The following PHAX variants were observed in gnomAD, a reference collection of about 807,000 sequenced individuals.
PHAX encodes phosphorylated adapter RNA export protein.
In PHAX, 31 loss-of-function variants were observed where a neutral mutation model predicts 41.6. That is an observed-to-expected ratio of 0.75 (90% confidence interval 0.56 to 1.01). PHAX has a LOEUF of 1.01. PHAX is among the 50% of genes least tolerant of loss of function. PHAX has a pLI of 0.00. For synonymous variants in PHAX, 175 were observed against 164.9 expected (o/e 1.06, Z -0.47); for missense variants, 453 against 472.9 (o/e 0.96, Z 0.39).
At chr5:126,617,668 G>A (rs549649032) in intron 4 of PHAX, among the ~76,000 whole-genome samples, 40 of 152,070 alleles carry the variant, frequency 2.6e-4, no homozygotes, top group African/African-American at 6.3e-4. Context: ...TAGTAGAGAC[G>A]GGGTTTCACC....
chr5:126,612,356 C>T (rs2112833496), intron 3 of PHAX, among the ~76,000 whole-genome samples: 1 of 152,118 alleles, frequency 6.6e-6, no homozygotes, highest in Non-Finnish European at 1.5e-5. Context: ...AAGGAATTTT[C>T]CTTTTACTTT....
At chr5:126,622,229 G>T (rs1344466352) in intron 4 of PHAX, among the ~76,000 whole-genome samples, 1 of 152,062 alleles carries the variant, frequency 6.6e-6, no homozygotes, top group Non-Finnish European at 1.5e-5. Flanking sequence ...TGCCTCCCGG[G>T]TTCAGGTGAT....
At chr5:126,613,327 C>G (rs1752134831) in intron 3 of PHAX, among the ~76,000 whole-genome samples, 2 of 152,026 alleles carry the variant, frequency 1.3e-5, no homozygotes, top group East Asian at 3.9e-4. Context: ...CCATCCTGGG[C>G]AACAAGAACA....
chr5:126,614,407 C>T (rs1752152996), intron 3 of PHAX, among the ~76,000 whole-genome samples: 2 of 152,034 alleles, frequency 1.3e-5, no homozygotes, highest in Admixed American at 6.6e-5. Context: ...TCACCGCACC[C>T]GGCCACAAGT....
rs2112836047 is a variant in PHAX at position 126,617,128 on chromosome 5, A to G, written c.832-122A>G. 3 of 496,834 alleles carry G rather than the reference A, an allele frequency of 6.0e-6. No homozygotes were observed. The East Asian group carries it at 9.9e-5, about 16-fold the overall frequency. The allele number at this position is 496,834 out of a possible 1,614,324, so 30.8% of individuals were successfully genotyped here. ...TGTTACCTATTTTGTAAGAGTCAGA[A>G]TCAGGACTGGACTTCAGATCTGGTA... On this transcript the variant is annotated intron_variant, in intron 3 of 4. Transcript: ENST00000297540.
chr5:126,607,313 TC>T (rs1752004990), intron 2 of PHAX, among the ~76,000 whole-genome samples: 1 of 152,024 alleles, frequency 6.6e-6, no homozygotes, highest in Non-Finnish European at 1.5e-5. Flanking sequence ...ATCCTTGTGT[TC>T]CTAGTCTATT....
At chr5:126,606,403 G>C (rs905106748) in intron 2 of PHAX, among the ~76,000 whole-genome samples, 17 of 152,016 alleles carry the variant, frequency 1.1e-4, no homozygotes, top group African/African-American at 4.1e-4. Context: ...CGCCATGTTG[G>C]CCAGGCTGGT....
intron 3 of PHAX, among the ~76,000 whole-genome samples, chr5:126,614,852 G>C (rs1387674041): frequency 1.3e-5 from 2 of 151,970 alleles, no homozygotes; most frequent in African/African-American, 2.4e-5. Flanking sequence ...TGCCTCCCGG[G>C]TTCAAGCGAT....
At chr5:126,622,244 C>G (rs955752420) in intron 4 of PHAX, among the ~76,000 whole-genome samples, 1 of 152,088 alleles carries the variant, frequency 6.6e-6, no homozygotes, top group East Asian at 1.9e-4. Flanking sequence ...GGTGATTCCC[C>G]TGCCTCAGCC....
chr5:126,617,318 C>T lies in PHAX; in HGVS notation c.900C>T (p.Ser300=), dbSNP rs1012633282. Residue 300 remains serine (S), a synonymous_variant, in exon 4 of 5, where the codon AGC becomes AGT. Transcript: ENST00000297540. The stretch of plus-strand genomic sequence containing the variant: ...TCTTGAAAAACACTCCTAGTATCAG[C>T]GAGGAACAAATTAAGGTAATGATAA... ...LNLLKNTPSI[S]EEQIKDIFYI... 7 of 1,603,972 alleles carry T rather than the reference C, an allele frequency of 4.4e-6. No individual in the cohort carries two copies. Among genetic ancestry groups the T allele is most frequent in the African/African-American group, 4.0e-5 (3 of 74,632 alleles).
intron 3 of PHAX, among the ~76,000 whole-genome samples, chr5:126,610,148 T>C (rs886406522): frequency 1.3e-5 from 2 of 152,176 alleles, no homozygotes; most frequent in African/African-American, 4.8e-5. Flanking sequence ...TTGGGGGAAG[T>C]CTAAAAAGTT....
Position 126,624,631 on chromosome 5 carries a change from G to C in PHAX, c.972G>C (p.Lys324Asn), listed in dbSNP as rs202042936. ...KEYENKKAARKRRTQVLGKKM... is the reference protein window; with the variant it reads ...KEYENKKAARNRRTQVLGKKM... ...ATGAAAATAAAAAAGCTGCTAGGAA[G>C]AGGAGAACACAAGTGTTGGGGAAAA... The change falls in exon 5 of 5, where the codon AAG becomes AAC. Residue 324 changes from lysine to asparagine, a missense_variant. Lys to Asn is a moderately conservative substitution (Grantham distance 94). Transcript: ENST00000297540. 17 of 1,612,872 alleles carry C rather than the reference G, an allele frequency of 1.1e-5. No homozygotes were observed. Among genetic ancestry groups the C allele is most frequent in the African/African-American group, 4.0e-5 (3 of 74,896 alleles).
chr5:126,624,544 C>G, intron 4 of PHAX, 31 bp from the exon 5 acceptor site: 1 of 1,516,458 alleles, frequency 6.6e-7, no homozygotes, highest in Non-Finnish European at 8.9e-7. Flanking sequence ...CGTGGTAGTT[C>G]TTGTTTACTA....
Position 126,604,184 on chromosome 5 carries a change from G to A in PHAX, c.710+1G>A, listed in dbSNP as rs1751953016. The A allele has an allele frequency of 6.6e-7, 1 of 1,521,136 alleles. No homozygotes were observed. The highest frequency in any genetic ancestry group is 8.8e-7 in the Non-Finnish European group (1 of 1,137,296). 94.2% of individuals were successfully genotyped at this position (1,521,136 alleles called of 1,614,324 possible). Reference sequence around the variant, plus strand: ...AAGTGGCTGATGAAATTTCATTCAGGTGAGCATTTGAATTACAAATAAGTA... The same window carrying A: ...AAGTGGCTGATGAAATTTCATTCAGATGAGCATTTGAATTACAAATAAGTA... On this transcript the variant is annotated splice_donor_variant, in intron 2 of 4. Transcript: ENST00000297540. LOFTEE classifies it high-confidence loss of function.
At chr5:126,618,201 G>C (rs1752217823) in intron 4 of PHAX, among the ~76,000 whole-genome samples, 1 of 152,038 alleles carries the variant, frequency 6.6e-6, no homozygotes, top group African/African-American at 2.4e-5. Flanking sequence ...CAGCCTCCCA[G>C]AGTGTTGGGA....
At chr5:126,622,381 C>T (rs1752284770) in intron 4 of PHAX, among the ~76,000 whole-genome samples, 1 of 151,646 alleles carries the variant, frequency 6.6e-6, no homozygotes, top group Non-Finnish European at 1.5e-5. Flanking sequence ...ATCCGCCCGC[C>T]TCAGCCTCTC....
Position 126,603,741 on chromosome 5 carries a change from C to G in PHAX, c.268C>G (p.Pro90Ala). Residue 90 changes from proline (P) to alanine (A), a missense_variant, in exon 2 of 5, where the codon CCT becomes GCT. Coordinates refer to ENST00000297540, the MANE Select transcript of PHAX (RefSeq NM_032177.4). ...WKRKRQKCFNPPPKPEPFQFG... is the reference protein window; with the variant it reads ...WKRKRQKCFNAPPKPEPFQFG... ...ACGCAAACGACAGAAATGTTTTAAC[C>G]CTCCTCCCAAACCAGAGCCTTTTCA... is the stretch of plus-strand genomic sequence containing the variant. 1.9e-6 allele frequency: 3 copies of G among 1,614,020 alleles called. No homozygotes were observed. Among genetic ancestry groups the G allele is most frequent in the Non-Finnish European group, 2.5e-6 (3 of 1,179,994 alleles).
chr5:126,602,242 C>T (rs1176513032), intron 1 of PHAX, among the ~76,000 whole-genome samples: 8 of 152,396 alleles, frequency 5.2e-5, no homozygotes, highest in African/African-American at 9.6e-5. Flanking sequence ...CCACCGCGCC[C>T]GGCCCAGCTT....
At chr5:126,617,127 A>G (rs1328696051) in intron 3 of PHAX, 123 bp from the exon 4 acceptor site, 1 of 494,848 alleles carries the variant, frequency 2.0e-6, no homozygotes, top group Non-Finnish European at 3.6e-6. Flanking sequence ...TAAGAGTCAG[A>G]ATCAGGACTG....
Sources: gnomAD v4.1 joint callset for allele counts (sites outside exome capture counted in the v4.1 genomes callset) on GRCh38, gnomAD v4.1.1 for gene constraint, MANE v1.5 for transcripts, NCBI Gene and HGNC (gene_info 2026-07-23, HGNC 2026-07-21) for gene names.